The following ZNF362 variants were observed in gnomAD, a reference collection of about 807,000 sequenced individuals.
ZNF362 encodes the protein rotund homolog.
Under a neutral mutation model 42.9 loss-of-function variants are expected in ZNF362, and 11 were observed. The ratio of observed to expected loss-of-function variants is 0.26; its 90% CI spans 0.16 to 0.42. The LOEUF (loss-of-function observed/expected upper bound fraction) is 0.42. ZNF362 is among the 20% of genes least tolerant of loss of function. The pLI, the probability that ZNF362 is intolerant of heterozygous loss-of-function variation, is 1.00. For missense variants in ZNF362, 362 were observed against 576.2 expected (o/e 0.63, Z 3.81); for synonymous variants, 255 against 257.3 (o/e 0.99, Z 0.09).
the ZNF362 span, chr1:33,165,528 G>T: frequency 1.2e-6 from 2 of 1,610,644 alleles, no homozygotes; most frequent in Non-Finnish European, 1.7e-6. The surrounding 1 kb of genome is among the most constrained non-coding windows in gnomAD (Gnocchi z 4.0). Flanking sequence ...GTTCCCGCTC[G>T]CTGTCTTGAA....
chr1:33,221,366 A>C, the ZNF362 span, among the ~76,000 whole-genome samples: 2 of 152,194 alleles, frequency 1.3e-5, no homozygotes, highest in Non-Finnish European at 2.9e-5. Context: ...AGGAAACTGC[A>C]CAGTGAGTTT....
At chr1:33,159,619 C>G in the ZNF362 span, 1 of 1,528,362 alleles carries the variant, frequency 6.5e-7, no homozygotes, top group South Asian at 1.2e-5. This position sits in a 1 kb window ranked among gnomAD's most constrained non-coding sequence, Gnocchi z 4.2. Flanking sequence ...TCTGCCTCCA[C>G]TCCCACTGCC....
chr1:33,153,861 C>T, the ZNF362 span, among the ~76,000 whole-genome samples: 1 of 152,210 alleles, frequency 6.6e-6, no homozygotes, highest in African/African-American at 2.4e-5. Flanking sequence ...CAAACATTTG[C>T]TGTGCTAGCT....
intron 6 of ZNF362, among the ~76,000 whole-genome samples, chr1:33,291,699 A>T (rs113471906): frequency 8.5e-5 from 13 of 152,208 alleles, no homozygotes; most frequent in Non-Finnish European, 1.9e-4. Context: ...ATCCGTGAGC[A>T]TGGAATGTTC....
chr1:33,283,994 C>T (rs1646014686), intron 6 of ZNF362, among the ~76,000 whole-genome samples: 1 of 152,212 alleles, frequency 6.6e-6, no homozygotes, highest in South Asian at 2.1e-4. Context: ...CTTTGTAAGG[C>T]CTCCAGGCCA....
the ZNF362 span, among the ~76,000 whole-genome samples, chr1:33,212,811 G>A: frequency 4.6e-5 from 7 of 152,070 alleles, no homozygotes; most frequent in Admixed American, 2.0e-4. Context: ...TCCAACACTG[G>A]GAATTACATT....
chr1:33,290,099 A>T (rs1570407919), intron 6 of ZNF362, among the ~76,000 whole-genome samples: 1 of 151,430 alleles, frequency 6.6e-6, no homozygotes, highest in Non-Finnish European at 1.5e-5. Context: ...GTTTTTTTTT[A>T]TTTTTTTATT....
chr1:33,232,931 A>G, the ZNF362 span, among the ~76,000 whole-genome samples: 114 of 152,324 alleles, frequency 7.5e-4, no homozygotes, highest in Admixed American at 1.8e-3. Context: ...CTTACTACAA[A>G]TGCATCATCT....
chr1:33,187,992 T>C, the ZNF362 span, among the ~76,000 whole-genome samples: 1 of 152,126 alleles, frequency 6.6e-6, no homozygotes, highest in Non-Finnish European at 1.5e-5. Context: ...TCCCAGCACT[T>C]TGGGAGGCCG....
At chr1:33,146,870 A>G in the ZNF362 span, 15 of 388,754 alleles carry the variant, frequency 3.9e-5, no homozygotes, top group Admixed American at 5.8e-4. Context: ...ACTGGAAGGT[A>G]GTCCCCTGCC....
the ZNF362 span, among the ~76,000 whole-genome samples, chr1:33,221,275 C>T: frequency 6.6e-6 from 1 of 152,204 alleles, no homozygotes; most frequent in Non-Finnish European, 1.5e-5. Context: ...CAGGACCTGT[C>T]CTGACTGTGG....
intron 8 of ZNF362, 79 bp downstream of exon 8, chr1:33,295,384 A>T (rs1646114211): frequency 2.0e-6 from 3 of 1,518,212 alleles, no homozygotes; most frequent in Non-Finnish European, 2.7e-6. Flanking sequence ...CCATTGTCAG[A>T]TCTGTGTCGA....
At chr1:33,262,776 C>T (rs567717473) in intron 1 of ZNF362, among the ~76,000 whole-genome samples, 2 of 152,302 alleles carry the variant, frequency 1.3e-5, no homozygotes, top group South Asian at 4.1e-4. Context: ...CCTCCTGCAC[C>T]ATCCTTGCCA....
At chr1:33,235,966 G>A in the ZNF362 span, among the ~76,000 whole-genome samples, 1 of 152,196 alleles carries the variant, frequency 6.6e-6, no homozygotes, top group South Asian at 2.1e-4. Context: ...AGAAGTTACT[G>A]ATTTATTGGA....
the ZNF362 span, among the ~76,000 whole-genome samples, chr1:33,168,244 A>G: frequency 2.2e-4 from 33 of 152,334 alleles, no homozygotes; most frequent in African/African-American, 7.7e-4. Flanking sequence ...ATCTCAGGCC[A>G]TGAGGCAACT....
the ZNF362 span, among the ~76,000 whole-genome samples, chr1:33,237,580 G>A: frequency 1.3e-4 from 20 of 152,308 alleles, no homozygotes; most frequent in East Asian, 3.3e-3. Context: ...CATTTATTGC[G>A]TGCTTATGTG....
chr1:33,295,414 A>AAAG, intron 8 of ZNF362, 109 bp downstream of exon 8: 1 of 1,271,194 alleles, frequency 7.9e-7, no homozygotes, highest in Non-Finnish European at 1.0e-6. Flanking sequence ...TTTTCCAGAC[A>AAAG]AATTGAGGCC....
At chr1:33,209,221 C>G in the ZNF362 span, among the ~76,000 whole-genome samples, 1 of 152,058 alleles carries the variant, frequency 6.6e-6, no homozygotes, top group East Asian at 1.9e-4. Flanking sequence ...ATGGATTACA[C>G]TTATTGATTT....
the ZNF362 span, among the ~76,000 whole-genome samples, chr1:33,196,593 C>T: frequency 6.6e-6 from 1 of 151,968 alleles, no homozygotes; most frequent in Admixed American, 6.5e-5. Flanking sequence ...GAAGGACCTG[C>T]CAGAGGTTGT....
Sources: gnomAD v4.1 joint callset for allele counts (sites outside exome capture counted in the v4.1 genomes callset) on GRCh38, gnomAD v4.1.1 for gene constraint, Gnocchi (gnomAD v3.1) non-coding constraint, MANE v1.5 for transcripts, NCBI Gene and HGNC (gene_info 2026-07-23, HGNC 2026-07-21) for gene names.